The following WWOX variants were observed in gnomAD, a reference collection of about 807,000 sequenced individuals.
WWOX encodes WW domain-containing oxidoreductase.
A neutral mutation model predicts 46.2 loss-of-function variants in WWOX; 69 were observed. The ratio of observed to expected loss-of-function variants is 1.49; its 90% CI spans 1.23 to 1.82. The LOEUF (loss-of-function observed/expected upper bound fraction) is 1.82. Among genes scored for constraint, WWOX ranks in the 40% most tolerant of loss-of-function variants. WWOX has a pLI of 0.00. For missense variants in WWOX, 919 were observed against 542.6 expected, an observed-to-expected ratio of 1.69 and a Z score of -6.89; for synonymous variants, 359 against 202.6, an observed-to-expected ratio of 1.77 and a Z score of -6.56.
intron 8 of WWOX, among the ~76,000 whole-genome samples, chr16:78,874,909 T>C (rs1484734163): frequency 1.3e-5 from 2 of 152,074 alleles, no homozygotes; most frequent in Non-Finnish European, 2.9e-5. Context: ...CCTTCAAGCA[T>C]AGAGACACAA....
chr16:78,828,022 C>A (rs1379554956), intron 8 of WWOX, among the ~76,000 whole-genome samples: 2 of 152,112 alleles, frequency 1.3e-5, no homozygotes, highest in Non-Finnish European at 1.5e-5. Flanking sequence ...TGCTGGGTGT[C>A]AAGAGGTGCA....
Position 78,099,672 on chromosome 16 carries a change from C to T in WWOX, c.-107C>T, listed in dbSNP as rs1567566800. ...GGAGGGCGCAGTGCGCAGGCGTGAGCGGTCGGGCCCCGACGCGCGCGGGTC... is the reference window on the plus strand; with the variant it reads ...GGAGGGCGCAGTGCGCAGGCGTGAGTGGTCGGGCCCCGACGCGCGCGGGTC... On this transcript the variant is annotated 5_prime_UTR_variant, in exon 1 of 9. Transcript: ENST00000566780. The T allele has an allele frequency of 6.6e-6, 9 of 1,373,478 alleles. No individual in the cohort carries two copies. The highest frequency in any genetic ancestry group is 7.7e-6 in the Non-Finnish European group (8 of 1,045,388). 85.1% of individuals were successfully genotyped at this position (1,373,478 alleles called of 1,614,324 possible). A position where few individuals can be genotyped will look rare whatever the true frequency, so the allele number is the denominator to read the frequency against.
intron 8 of WWOX, among the ~76,000 whole-genome samples, chr16:79,052,884 C>G (rs1295388893): frequency 2.7e-5 from 4 of 145,542 alleles, no homozygotes; most frequent in Non-Finnish European, 5.9e-5. Flanking sequence ...AAGATAATTA[C>G]TAATATGTCT....
intron 8 of WWOX, among the ~76,000 whole-genome samples, chr16:79,090,483 T>C (rs1335717334): frequency 6.6e-6 from 1 of 152,108 alleles, no homozygotes; most frequent in East Asian, 1.9e-4. Flanking sequence ...TCAGGGAGCT[T>C]TCATTCTACT....
chr16:78,612,760 A>G (rs1294814400), intron 8 of WWOX, among the ~76,000 whole-genome samples: 4 of 152,162 alleles, frequency 2.6e-5, no homozygotes, highest in Non-Finnish European at 4.4e-5. Flanking sequence ...TACAGGCATG[A>G]GCCACCCCAC....
chr16:78,830,950 C>G (rs796528749), intron 8 of WWOX, among the ~76,000 whole-genome samples: 5 of 152,242 alleles, frequency 3.3e-5, no homozygotes, highest in African/African-American at 1.2e-4. Flanking sequence ...TCATTGCAAA[C>G]ATGTTTAGGA....
At chr16:78,733,577 C>G (rs550844617) in intron 8 of WWOX, among the ~76,000 whole-genome samples, 1 of 150,510 alleles carries the variant, frequency 6.6e-6, no homozygotes, top group Non-Finnish European at 1.5e-5. Context: ...GAAACCCTAT[C>G]TCTACTGAAA....
intron 8 of WWOX, among the ~76,000 whole-genome samples, chr16:79,105,681 G>A (rs1490631902): frequency 1.4e-5 from 2 of 145,854 alleles, no homozygotes; most frequent in Admixed American, 1.4e-4. Flanking sequence ...TTTTGTTTGC[G>A]AGACAGGGTC....
At chr16:78,534,958 C>G (rs537853610) in intron 8 of WWOX, among the ~76,000 whole-genome samples, 1 of 152,116 alleles carries the variant, frequency 6.6e-6, no homozygotes, top group African/African-American at 2.4e-5. Context: ...ATGATCTGTT[C>G]GTCTCAGCCT....
chr16:78,608,230 C>A (rs1371856731), intron 8 of WWOX, among the ~76,000 whole-genome samples: 3 of 152,150 alleles, frequency 2.0e-5, no homozygotes, highest in Admixed American at 6.5e-5. Context: ...AAGAAAAGAA[C>A]TGTGAAAATA....
intron 3 of WWOX, among the ~76,000 whole-genome samples, chr16:78,110,893 C>A (rs146021409): frequency 6.6e-6 from 1 of 152,078 alleles, no homozygotes; most frequent in Non-Finnish European, 1.5e-5. Flanking sequence ...TCTTGACCAC[C>A]GTAGTTAAGA....
At chr16:78,867,787 G>A (rs770269149) in intron 8 of WWOX, among the ~76,000 whole-genome samples, 7 of 152,080 alleles carry the variant, frequency 4.6e-5, no homozygotes, top group Non-Finnish European at 8.8e-5. Context: ...CTGCCAATCT[G>A]AGGCCTTTTC....
At chr16:78,635,001 C>T (rs750533254) in intron 8 of WWOX, among the ~76,000 whole-genome samples, 6 of 152,056 alleles carry the variant, frequency 3.9e-5, no homozygotes, top group Non-Finnish European at 8.8e-5. Context: ...GCTTCAGCCC[C>T]ATGCTTTCGT....
intron 8 of WWOX, chr16:78,780,414 G>C (rs919108843): frequency 6.6e-6 from 1 of 152,184 alleles, no homozygotes; most frequent in African/African-American, 2.4e-5. Flanking sequence ...ATGTCTTGCA[G>C]AGCTGAGTGC....
intron 8 of WWOX, among the ~76,000 whole-genome samples, chr16:78,749,340 G>A (rs1024721601): frequency 6.6e-6 from 1 of 152,146 alleles, no homozygotes; most frequent in African/African-American, 2.4e-5. Flanking sequence ...TTTCAAGACA[G>A]CTGAAATTCA....
At chr16:78,958,161 A>G (rs2046205980) in intron 8 of WWOX, among the ~76,000 whole-genome samples, 1 of 152,194 alleles carries the variant, frequency 6.6e-6, no homozygotes, top group African/African-American at 2.4e-5. Context: ...CGGCGAAGGA[A>G]ATTCCATTTG....
intron 8 of WWOX, among the ~76,000 whole-genome samples, chr16:78,827,582 C>T (rs1240970993): frequency 6.6e-6 from 1 of 151,992 alleles, no homozygotes; most frequent in Non-Finnish European, 1.5e-5. Context: ...CCTGTAATCC[C>T]AGCACTTTGG....
intron 7 of WWOX, 136 bp from the exon 8 acceptor site, chr16:78,432,352 C>T (rs1042268376): frequency 2.9e-5 from 34 of 1,168,026 alleles, no homozygotes; most frequent in African/African-American, 4.6e-5. Flanking sequence ...GTGATCCACT[C>T]GTCTAAGACT....
At chr16:78,825,500 G>T in intron 8 of WWOX, 1 of 484,486 alleles carries the variant, frequency 2.1e-6, no homozygotes. Context: ...CTGTAGTTCA[G>T]AAGAGATTTG....
Sources: gnomAD v4.1 joint callset for allele counts (sites outside exome capture counted in the v4.1 genomes callset) on GRCh38, gnomAD v4.1.1 for gene constraint, MANE v1.5 for transcripts, NCBI Gene and HGNC (gene_info 2026-07-23, HGNC 2026-07-21) for gene names.